The following LRRTM4 variants were observed in gnomAD, a reference collection of about 807,000 sequenced individuals.
The protein encoded by LRRTM4 is leucine-rich repeat transmembrane neuronal protein 4.
LRRTM4 carries 25 observed loss-of-function variants against 47.6 expected under a neutral mutation model. The ratio of observed to expected loss-of-function variants is 0.53; its 90% CI spans 0.38 to 0.73. The LOEUF is 0.73. Among genes scored for constraint, LRRTM4 ranks in the 30% least tolerant of loss-of-function variants. The probability of loss-of-function intolerance (pLI) is 0.00; values close to 1 mark genes in which losing one functional copy is unlikely to be tolerated. For synonymous variants in LRRTM4, 311 were observed against 269.5 expected, an observed-to-expected ratio of 1.15 and a Z score of -1.51; for missense variants, 638 against 713.4, an observed-to-expected ratio of 0.89 and a Z score of 1.20.
At chr2:76,791,967 C>G (rs986562025) in intron 3 of LRRTM4, among the ~76,000 whole-genome samples, 17 of 152,142 alleles carry the variant, frequency 1.1e-4, no homozygotes, top group African/African-American at 3.6e-4. Context: ...GTTTTTGTAT[C>G]AGATCTGGGT....
At chr2:77,483,540 C>T (rs1442216230) in intron 3 of LRRTM4, among the ~76,000 whole-genome samples, 1 of 152,126 alleles carries the variant, frequency 6.6e-6, no homozygotes, top group Non-Finnish European at 1.5e-5. Context: ...GGAGTTTCAC[C>T]ATGTTGGCCA....
At chr2:76,902,528 C>A (rs893556157) in intron 3 of LRRTM4, among the ~76,000 whole-genome samples, 3 of 152,074 alleles carry the variant, frequency 2.0e-5, no homozygotes, top group East Asian at 1.9e-4. Context: ...GATGATGGAT[C>A]TGAATCTGGA....
intron 3 of LRRTM4, among the ~76,000 whole-genome samples, chr2:77,011,052 T>G (rs2104066169): frequency 6.6e-6 from 1 of 152,238 alleles, no homozygotes; most frequent in South Asian, 2.1e-4. Context: ...TCAGAAGTAC[T>G]ATGAGTAGCC....
At chr2:77,050,811 A>G (rs1248927826) in intron 3 of LRRTM4, among the ~76,000 whole-genome samples, 1 of 152,152 alleles carries the variant, frequency 6.6e-6, no homozygotes, top group Admixed American at 6.6e-5. Context: ...TGAGTATTAG[A>G]TAAGTAAATA....
intron 3 of LRRTM4, among the ~76,000 whole-genome samples, chr2:77,294,278 T>G (rs1676909885): frequency 6.9e-6 from 1 of 144,798 alleles, no homozygotes; most frequent in African/African-American, 2.9e-5. Flanking sequence ...GGAAAATGAC[T>G]CTGGAACATT....
At chr2:77,216,219 G>GAATACA (rs1233983099) in intron 3 of LRRTM4, among the ~76,000 whole-genome samples, 12 of 152,166 alleles carry the variant, frequency 7.9e-5, no homozygotes, top group South Asian at 2.1e-4. Flanking sequence ...ACCATTGCCA[G>GAATACA]AATACAAAAT....
At chr2:76,899,894 C>T (rs1341693544) in intron 3 of LRRTM4, among the ~76,000 whole-genome samples, 1 of 152,114 alleles carries the variant, frequency 6.6e-6, no homozygotes, top group Non-Finnish European at 1.5e-5. Context: ...GCATGACATC[C>T]ATACTTATAC....
Position 77,518,534 on chromosome 2 carries a change from C to T in LRRTM4, c.1335G>A (p.Val445=), listed in dbSNP as rs557534530. Reference sequence around the variant, plus strand: ...TGCTGGCTGGGTAGCGTTTCCAAGACACATAGATCACCAAGAGGATCATGG... The same window carrying T: ...TGCTGGCTGGGTAGCGTTTCCAAGATACATAGATCACCAAGAGGATCATGG... ...SVAMILLVIY[V]SWKRYPASMK... The change falls in exon 3 of 4, where the codon GTG becomes GTA. Residue 445 remains valine, a synonymous_variant. Coordinates refer to ENST00000409884, the MANE Select transcript of LRRTM4 (RefSeq NM_001134745.3). 1.9e-5 allele frequency: 31 copies of T among 1,613,294 alleles called. No homozygotes were observed. The South Asian group carries it at 3.4e-4, about 18-fold the overall frequency.
In LRRTM4 at chr2:76,824,077, G is replaced by T. The variant is rs140379924; in HGVS notation, c.1552-75161C>A. ...GATTCTTATCTTTCATTGTCTTTGA[G>T]ATATTTTAAAACTCTTTAAGTTGTA... On this transcript the variant is annotated intron_variant, in intron 3 of 3. Transcript: ENST00000409884. Among the ~76,000 whole-genome samples the T allele has an allele frequency of 5.6e-3, 845 of 151,520 alleles. 8 individuals carry two copies. The highest frequency in any genetic ancestry group is 0.019 in the African/African-American group (808 of 41,448).
intron 3 of LRRTM4, among the ~76,000 whole-genome samples, chr2:76,824,053 ATTC>A (rs1195236989): frequency 6.6e-6 from 1 of 151,546 alleles, no homozygotes; most frequent in Non-Finnish European, 1.5e-5. Context: ...GGGTAATCTG[ATTC>A]TTATCTTTCA....
intron 3 of LRRTM4, among the ~76,000 whole-genome samples, chr2:76,873,436 A>G (rs1023385288): frequency 7.4e-5 from 11 of 148,524 alleles, no homozygotes; most frequent in African/African-American, 2.7e-4. Flanking sequence ...TATACATTAT[A>G]TAGTCTGTGT....
intron 3 of LRRTM4, among the ~76,000 whole-genome samples, chr2:77,486,002 G>A (rs1677897509): frequency 6.6e-6 from 1 of 151,966 alleles, no homozygotes; most frequent in Admixed American, 6.6e-5. Flanking sequence ...GCCTCTCAGA[G>A]TGCTAGGATT....
chr2:76,959,978 TA>T (rs1675800797), intron 3 of LRRTM4, among the ~76,000 whole-genome samples: 1 of 151,372 alleles, frequency 6.6e-6, no homozygotes, highest in South Asian at 2.1e-4. Context: ...TACTCTGTAT[TA>T]AAAATGGAAA....
chr2:77,122,039 A>G (rs1241350754), intron 3 of LRRTM4, among the ~76,000 whole-genome samples: 1 of 151,860 alleles, frequency 6.6e-6, no homozygotes, highest in Non-Finnish European at 1.5e-5. Flanking sequence ...CAATGTTTAC[A>G]TGTTTATATA....
intron 3 of LRRTM4, among the ~76,000 whole-genome samples, chr2:76,844,395 A>G (rs1255215059): frequency 6.6e-6 from 1 of 152,150 alleles, no homozygotes; most frequent in East Asian, 1.9e-4. Flanking sequence ...TCAGCCTCCC[A>G]AAGTGCTGGG....
At chr2:76,931,042 T>G (rs1674752221) in intron 3 of LRRTM4, among the ~76,000 whole-genome samples, 1 of 152,152 alleles carries the variant, frequency 6.6e-6, no homozygotes, top group Non-Finnish European at 1.5e-5. Context: ...ATTTTACATT[T>G]GTTTAAAATT....
chr2:77,219,515 G>A (rs539545242), intron 3 of LRRTM4, among the ~76,000 whole-genome samples: 9 of 152,160 alleles, frequency 5.9e-5, no homozygotes, highest in Middle Eastern at 3.4e-3. Flanking sequence ...AACAAATATC[G>A]GTACCCTTGT....
At chr2:77,261,222 C>A (rs1367425929) in intron 3 of LRRTM4, among the ~76,000 whole-genome samples, 1 of 151,938 alleles carries the variant, frequency 6.6e-6, no homozygotes, top group Non-Finnish European at 1.5e-5. Context: ...AAGCGTAGTG[C>A]AGAAAGAGAA....
chr2:77,299,745 G>A (rs996812967), intron 3 of LRRTM4, among the ~76,000 whole-genome samples: 4 of 151,332 alleles, frequency 2.6e-5, no homozygotes, highest in Admixed American at 2.6e-4. Context: ...ATAAGTTATT[G>A]AAAAGAAACA....
Sources: allele counts gnomAD v4.1 joint callset (sites outside exome capture counted in the v4.1 genomes callset), GRCh38; gene constraint gnomAD v4.1.1; transcripts MANE v1.5; gene names NCBI Gene and HGNC (gene_info 2026-07-23, HGNC 2026-07-21).